RBFOX1: variants seen among roughly 807,000 people sequenced by gnomAD.
RBFOX1 encodes the protein RNA binding protein fox-1 homolog 1.
A neutral mutation model predicts 57.7 loss-of-function variants in RBFOX1; 8 were observed. The ratio of observed to expected loss-of-function variants is 0.14; its 90% CI spans 0.08 to 0.25. The LOEUF is 0.25. Among genes scored for constraint, RBFOX1 ranks in the 10% least tolerant of loss-of-function variants. RBFOX1 has a pLI of 1.00. For missense variants in RBFOX1, 611 were observed against 548.5 expected (o/e 1.11, Z -1.14); for synonymous variants, 326 against 222.4 (o/e 1.47, Z -4.15).
At chr16:5,968,376 T>G (rs79997850) in intron 4 of RBFOX1, among the ~76,000 whole-genome samples, 5,039 of 152,226 alleles carry the variant, frequency 0.033, 296 homozygotes, top group African/African-American at 0.11. Flanking sequence ...CCCTGGCCTC[T>G]CCAGTACATT....
rs139259518 is a variant in RBFOX1, at chr16:6,892,159, G to A, written c.-15-159898G>A. 4.6e-5 allele frequency among the ~76,000 whole-genome samples: 7 copies of A among 152,138 alleles called. 1 individual carries two copies. In the East Asian group the frequency reaches 1.4e-3, roughly 29 times the overall value. ...TGGTTGGTGATTGCAGACCCTCTTT[G>A]CACCCCTTCCCTTGGCGATTTTATG... On this transcript the variant is annotated intron_variant, in intron 3 of 15. Transcript: ENST00000550418.
intron 3 of RBFOX1, among the ~76,000 whole-genome samples, chr16:6,801,380 A>G: frequency 6.6e-6 from 1 of 152,276 alleles, no homozygotes; most frequent in Middle Eastern, 3.4e-3. Context: ...AATTGCATCT[A>G]TCTTTATACT....
intron 2 of RBFOX1, among the ~76,000 whole-genome samples, chr16:6,538,591 C>G (rs765213316): frequency 6.6e-5 from 10 of 152,144 alleles, no homozygotes; most frequent in Non-Finnish European, 1.5e-4. Context: ...CAGAAGGTAA[C>G]AAATGTTGTC....
At chr16:7,041,533 T>C (rs1332961500) in intron 3 of RBFOX1, among the ~76,000 whole-genome samples, 3 of 152,202 alleles carry the variant, frequency 2.0e-5, no homozygotes, top group African/African-American at 7.2e-5. Flanking sequence ...CGTTGCACTC[T>C]GGTAAAGTGA....
chr16:5,784,813 T>C (rs1297210391), intron 3 of RBFOX1, among the ~76,000 whole-genome samples: 2 of 152,088 alleles, frequency 1.3e-5, no homozygotes, highest in African/African-American at 4.8e-5. Flanking sequence ...ACATGGCGCA[T>C]AGACACCATC....
chr16:5,858,431 C>T (rs971412923), intron 3 of RBFOX1, among the ~76,000 whole-genome samples: 18 of 152,142 alleles, frequency 1.2e-4, no homozygotes, highest in Admixed American at 7.2e-4. Context: ...CTTAATAGAC[C>T]AACTTCAAGG....
chr16:6,745,557 T>C (rs1356567248), intron 3 of RBFOX1, among the ~76,000 whole-genome samples: 1 of 152,228 alleles, frequency 6.6e-6, no homozygotes, highest in Admixed American at 6.5e-5. Context: ...AACACAATTA[T>C]TTTAATAGAT....
At chr16:7,612,018 G>T (rs1315371564) in intron 10 of RBFOX1, among the ~76,000 whole-genome samples, 1 of 152,032 alleles carries the variant, frequency 6.6e-6, no homozygotes, top group Non-Finnish European at 1.5e-5. Context: ...GAGTCCTTGA[G>T]GCTTATTCAA....
chr16:7,125,914 C>G (rs1419332559), intron 4 of RBFOX1, among the ~76,000 whole-genome samples: 1 of 152,074 alleles, frequency 6.6e-6, no homozygotes, highest in African/African-American at 2.4e-5. Context: ...AAAACTCCAT[C>G]TCTACTAAAA....
At chr16:7,573,412 A>C (rs750379759) in intron 5 of RBFOX1, among the ~76,000 whole-genome samples, 4 of 152,060 alleles carry the variant, frequency 2.6e-5, no homozygotes, top group Non-Finnish European at 5.9e-5. Context: ...GTCCACCTCT[A>C]ACATCCTTAC....
chr16:6,526,857 A>AAAAAAAAAAC (rs1567560941), intron 2 of RBFOX1, among the ~76,000 whole-genome samples: 34 of 130,414 alleles, frequency 2.6e-4, no homozygotes, highest in African/African-American at 1.2e-3. Flanking sequence ...AAAAAAAAAA[A>AAAAAAAAAAC]AACAACCAGA....
chr16:7,235,136 T>G (rs1242840432), intron 4 of RBFOX1, among the ~76,000 whole-genome samples: 1 of 152,242 alleles, frequency 6.6e-6, no homozygotes, highest in Non-Finnish European at 1.5e-5. Flanking sequence ...ACATCGGTAG[T>G]AGTCACACTA....
chr16:5,956,879 C>G (rs1392140735), intron 4 of RBFOX1, among the ~76,000 whole-genome samples: 3 of 150,676 alleles, frequency 2.0e-5, no homozygotes, highest in African/African-American at 7.3e-5. Flanking sequence ...CCATTTTGGC[C>G]AGGCTGCTTG....
At chr16:6,588,711 GATTTACA>G (rs2097666987) in intron 2 of RBFOX1, among the ~76,000 whole-genome samples, 2 of 152,174 alleles carry the variant, frequency 1.3e-5, no homozygotes, top group Non-Finnish European at 2.9e-5. Context: ...CTATGATGTT[GATTTACA>G]AAGTTAGTCT....
chr16:6,130,772 G>T (rs992322152), intron 1 of RBFOX1, among the ~76,000 whole-genome samples: 1 of 152,080 alleles, frequency 6.6e-6, no homozygotes, highest in African/African-American at 2.4e-5. Context: ...TTAGCAAAGT[G>T]GAAAAGAGAC....
chr16:7,617,389 C>G (rs1168681295), intron 10 of RBFOX1, among the ~76,000 whole-genome samples: 3 of 151,946 alleles, frequency 2.0e-5, no homozygotes, highest in Non-Finnish European at 4.4e-5. Flanking sequence ...TTTCAAACAT[C>G]CAAAAACGTG....
intron 3 of RBFOX1, among the ~76,000 whole-genome samples, chr16:6,672,642 G>T (rs1003406853): frequency 6.6e-6 from 1 of 152,100 alleles, no homozygotes; most frequent in Non-Finnish European, 1.5e-5. Context: ...CATGGATCCA[G>T]GTCCTGAAAT....
At chr16:6,846,498 C>T (rs112293371) in intron 3 of RBFOX1, among the ~76,000 whole-genome samples, 8 of 152,222 alleles carry the variant, frequency 5.3e-5, no homozygotes, top group Admixed American at 1.3e-4. Flanking sequence ...AAGACCACAG[C>T]AAATGAAACA....
intron 3 of RBFOX1, among the ~76,000 whole-genome samples, chr16:5,638,061 G>A (rs976086712): frequency 2.0e-5 from 3 of 152,208 alleles, no homozygotes; most frequent in Non-Finnish European, 4.4e-5. Flanking sequence ...TTTTCTAAAT[G>A]ACTGAAGGCA....
Sources: gnomAD v4.1 joint callset for allele counts (sites outside exome capture counted in the v4.1 genomes callset) on GRCh38, gnomAD v4.1.1 for gene constraint, MANE v1.5 for transcripts, NCBI Gene and HGNC (gene_info 2026-07-23, HGNC 2026-07-21) for gene names.